Variants in SHTN1 observed in about 807,000 individuals in gnomAD.
SHTN1 encodes the protein shootin-1.
SHTN1 carries 42 observed loss-of-function variants against 83.1 expected under a neutral mutation model. That is an observed-to-expected ratio of 0.51 (90% CI 0.39 to 0.65). The LOEUF is 0.65. Among genes scored for constraint, SHTN1 ranks in the 30% least tolerant of loss-of-function variants. The pLI, the probability that SHTN1 is intolerant of heterozygous loss-of-function variation, is 0.00. For missense variants in SHTN1, 622 were observed against 737.8 expected (o/e 0.84, Z 1.82); for synonymous variants, 224 against 247.7 (o/e 0.90, Z 0.90).
At chr10:116,994,797 G>C (rs140744810) in intron 1 of SHTN1, among the ~76,000 whole-genome samples, 1 of 151,984 alleles carries the variant, frequency 6.6e-6, no homozygotes, top group African/African-American at 2.4e-5. Flanking sequence ...AATTGTAAAT[G>C]ATGTCTTTTT....
chr10:116,993,982 A>T (rs1011806473), intron 1 of SHTN1, among the ~76,000 whole-genome samples: 1 of 152,186 alleles, frequency 6.6e-6, no homozygotes, highest in Non-Finnish European at 1.5e-5. Context: ...GTCTGTTAGC[A>T]AGCTTTAAAA....
At chr10:117,052,272 A>G (rs893853221) in intron 1 of SHTN1, among the ~76,000 whole-genome samples, 1 of 151,872 alleles carries the variant, frequency 6.6e-6, no homozygotes, top group African/African-American at 2.4e-5. Flanking sequence ...CTAAAAGAAA[A>G]TTTTAAAACC....
At chr10:117,020,128 T>A (rs138647445) in intron 2 of SHTN1, among the ~76,000 whole-genome samples, 1 of 152,096 alleles carries the variant, frequency 6.6e-6, no homozygotes, top group South Asian at 2.1e-4. Context: ...GCAAAAGGAA[T>A]TGAAGACTTA....
At chr10:116,920,945 A>C (rs1287333003) in intron 12 of SHTN1, among the ~76,000 whole-genome samples, 2 of 152,180 alleles carry the variant, frequency 1.3e-5, no homozygotes, top group East Asian at 3.9e-4. Flanking sequence ...CCACTTCCAC[A>C]ATCTCCTAGC....
intron 1 of SHTN1, among the ~76,000 whole-genome samples, chr10:117,051,357 T>A (rs1012900397): frequency 1.3e-5 from 2 of 152,154 alleles, no homozygotes; most frequent in African/African-American, 4.8e-5. Flanking sequence ...TTAACACTAA[T>A]CTTTTTCAAA....
At chr10:116,911,972 T>C in intron 13 of SHTN1, 129 bp from the exon 14 acceptor site, 1 of 690,580 alleles carries the variant, frequency 1.4e-6, no homozygotes, top group Non-Finnish European at 2.5e-6. Flanking sequence ...ATTTTTAAAT[T>C]AGGACTATGT....
At chr10:116,960,487 T>G (rs1444747585) in intron 3 of SHTN1, among the ~76,000 whole-genome samples, 3 of 152,040 alleles carry the variant, frequency 2.0e-5, no homozygotes, top group Non-Finnish European at 2.9e-5. Context: ...AAGAGCGCTA[T>G]TTAGATTTTT....
chr10:116,964,754 A>G (rs1178129811), intron 3 of SHTN1, among the ~76,000 whole-genome samples: 1 of 152,182 alleles, frequency 6.6e-6, no homozygotes, highest in Non-Finnish European at 1.5e-5. Flanking sequence ...AGGCCAAGGC[A>G]GGCAGATCAC....
At chr10:117,090,644 G>C (rs1853415816) in intron 1 of SHTN1, among the ~76,000 whole-genome samples, 1 of 152,158 alleles carries the variant, frequency 6.6e-6, no homozygotes, top group Non-Finnish European at 1.5e-5. Context: ...GGGAATAAGG[G>C]CTGTTTCATA....
At chr10:117,081,154 T>A in intron 1 of SHTN1, among the ~76,000 whole-genome samples, 1 of 148,772 alleles carries the variant, frequency 6.7e-6, no homozygotes, top group Non-Finnish European at 1.5e-5. Context: ...CCATTCAGTA[T>A]GATATTGGCT....
intron 4 of SHTN1, among the ~76,000 whole-genome samples, chr10:116,958,660 A>C (rs1277524422): frequency 7.5e-6 from 1 of 133,778 alleles, no homozygotes; most frequent in Non-Finnish European, 1.7e-5. Flanking sequence ...TAGCTCAGAG[A>C]GGTGAGTTCT....
chr10:116,903,362 G>A (rs1847824493), intron 15 of SHTN1, among the ~76,000 whole-genome samples: 3 of 152,036 alleles, frequency 2.0e-5, no homozygotes, highest in African/African-American at 7.2e-5. Context: ...GTGAAACCCT[G>A]TCTCTACTAG....
chr10:116,976,558 G>C (rs1363285480), intron 2 of SHTN1, among the ~76,000 whole-genome samples: 1 of 152,144 alleles, frequency 6.6e-6, no homozygotes, highest in East Asian at 1.9e-4. Context: ...ATGAATGAAA[G>C]GATGGCCATA....
intron 1 of SHTN1, among the ~76,000 whole-genome samples, chr10:117,115,050 G>A (rs1233301360): frequency 1.3e-5 from 2 of 152,204 alleles, no homozygotes; most frequent in Non-Finnish European, 2.9e-5. Flanking sequence ...CCTTCTGACA[G>A]TCCAGGAAGA....
At chr10:117,039,609 C>G (rs1414026494) in intron 2 of SHTN1, among the ~76,000 whole-genome samples, 1 of 152,068 alleles carries the variant, frequency 6.6e-6, no homozygotes, top group East Asian at 1.9e-4. Flanking sequence ...AATCCCAGCA[C>G]TTTGGGAGGC....
At chr10:117,025,862 A>G (rs1341213424) in intron 2 of SHTN1, among the ~76,000 whole-genome samples, 1 of 152,150 alleles carries the variant, frequency 6.6e-6, no homozygotes, top group Non-Finnish European at 1.5e-5. Flanking sequence ...TCCTAGCTGG[A>G]TCCATCACCT....
At chr10:116,949,802 A>T (rs1015965464) in intron 6 of SHTN1, among the ~76,000 whole-genome samples, 1 of 152,162 alleles carries the variant, frequency 6.6e-6, no homozygotes, top group African/African-American at 2.4e-5. Context: ...TCCCACAAAA[A>T]TTTAAATTTC....
At chr10:117,061,012 AAAC>A (rs1349301475) in intron 1 of SHTN1, among the ~76,000 whole-genome samples, 1 of 152,262 alleles carries the variant, frequency 6.6e-6, no homozygotes, top group Non-Finnish European at 1.5e-5. Context: ...AATTGGGAAG[AAAC>A]AACAACACAT....
chr10:117,035,542 T>TCACAGAATGGGAGAAA (rs1302344384), intron 2 of SHTN1, among the ~76,000 whole-genome samples: 3 of 151,990 alleles, frequency 2.0e-5, no homozygotes, highest in African/African-American at 7.3e-5. Flanking sequence ...AAGAGACAAC[T>TCACAGAATGGGAGAAA]CACAGAATGG....
Sources: gnomAD v4.1 joint callset for allele counts (sites outside exome capture counted in the v4.1 genomes callset) on GRCh38, gnomAD v4.1.1 for gene constraint, MANE v1.5 for transcripts, NCBI Gene and HGNC (gene_info 2026-07-23, HGNC 2026-07-21) for gene names.